The following PCDH15 variants were observed in gnomAD, a reference collection of about 807,000 sequenced individuals.
The protein encoded by PCDH15 is protocadherin-15.
Under a neutral mutation model 178.5 loss-of-function variants are expected in PCDH15, and 129 were observed. That is an observed-to-expected ratio of 0.72 (90% CI 0.63 to 0.84). The LOEUF is 0.84. PCDH15 is among the 40% of genes least tolerant of loss of function. The probability of loss-of-function intolerance (pLI) is 0.00; values close to 1 mark genes in which losing one functional copy is unlikely to be tolerated. For synonymous variants in PCDH15, 800 were observed against 732.0 expected (o/e 1.09, Z -1.50); for missense variants, 2,230 against 2,099.9 (o/e 1.06, Z -1.21).
chr10:54,725,524 G>A (rs1212797298), intron 1 of PCDH15, among the ~76,000 whole-genome samples: 4 of 126,084 alleles, frequency 3.2e-5, no homozygotes, highest in Non-Finnish European at 7.4e-5. Context: ...AATTGTTTAT[G>A]TTTATATAAA....
intron 4 of PCDH15, among the ~76,000 whole-genome samples, chr10:54,373,175 A>G (rs1266092651): frequency 6.6e-6 from 1 of 151,840 alleles, no homozygotes; most frequent in African/African-American, 2.4e-5. Flanking sequence ...AAACCAAATG[A>G]TTTGGAAGTC....
At chr10:54,433,691 A>T (rs1291816665) in intron 3 of PCDH15, among the ~76,000 whole-genome samples, 1 of 152,096 alleles carries the variant, frequency 6.6e-6, no homozygotes, top group Non-Finnish European at 1.5e-5. Context: ...ATAACTAAAA[A>T]AGTGTATTGG....
At chr10:54,245,513 C>T (rs188672462) in intron 8 of PCDH15, among the ~76,000 whole-genome samples, 6 of 152,048 alleles carry the variant, frequency 3.9e-5, no homozygotes, top group South Asian at 4.2e-4. Context: ...CATCTTTGGT[C>T]GATTGCTTAT....
At chr10:54,389,931 A>G (rs1950347422) in intron 3 of PCDH15, among the ~76,000 whole-genome samples, 1 of 152,188 alleles carries the variant, frequency 6.6e-6, no homozygotes, top group Admixed American at 6.6e-5. Flanking sequence ...CGACAGAGTG[A>G]GACTCCGTCT....
chr10:53,936,560 T>C (rs1250264335), intron 25 of PCDH15, among the ~76,000 whole-genome samples: 7 of 152,128 alleles, frequency 4.6e-5, no homozygotes, highest in Admixed American at 4.6e-4. Flanking sequence ...CTCTGTAATT[T>C]TTGTATGTTT....
At chr10:54,384,326 C>T (rs1054074912) in intron 3 of PCDH15, among the ~76,000 whole-genome samples, 2 of 149,204 alleles carry the variant, frequency 1.3e-5, no homozygotes, top group African/African-American at 5.0e-5. Context: ...GATCCCCCCC[C>T]TTTTTTTTTT....
rs766474179 is a variant in PCDH15, at chr10:55,599,967, G to T, written c.-156+27658C>A. On this transcript the variant is annotated intron_variant, in intron 2 of 5. Coordinates refer to the PCDH15 transcript ENST00000613346. ...GAAATTGACCTACCTATGAAGAGGC[G>T]GGTATAAATAAATAGGAGAAGACCC... 77 of 1,500,796 alleles carry T rather than the reference G, an allele frequency of 5.1e-5. 2 individuals carry two copies. Among genetic ancestry groups the T allele is most frequent in the Non-Finnish European group, 6.2e-5 (70 of 1,128,074 alleles). The allele number at this position is 1,500,796 out of a possible 1,614,324, so 93.0% of individuals were successfully genotyped here. A position where few individuals can be genotyped will look rare whatever the true frequency, so the allele number is the denominator to read the frequency against.
chr10:54,477,611 T>C (rs2078368062), intron 3 of PCDH15, among the ~76,000 whole-genome samples: 1 of 152,318 alleles, frequency 6.6e-6, no homozygotes. Flanking sequence ...TATTTTTTCT[T>C]CTTGAGACAG....
At chr10:54,724,800 A>G (rs959558190) in intron 1 of PCDH15, among the ~76,000 whole-genome samples, 17 of 151,148 alleles carry the variant, frequency 1.1e-4, no homozygotes, top group Non-Finnish European at 8.9e-5. Context: ...CATATATATA[A>G]TTTTAGATTC....
chr10:55,277,340 C>T (rs1842619491), intron 1 of PCDH15, among the ~76,000 whole-genome samples: 1 of 151,890 alleles, frequency 6.6e-6, no homozygotes, highest in South Asian at 2.1e-4. Flanking sequence ...AGTATACTCC[C>T]TTAAAAATAA....
intron 22 of PCDH15, among the ~76,000 whole-genome samples, chr10:53,960,963 T>C (rs927819856): frequency 3.3e-5 from 5 of 152,186 alleles, no homozygotes; most frequent in African/African-American, 1.2e-4. Flanking sequence ...TTTTAATACC[T>C]TGCCAGGTAG....
chr10:54,920,495 A>AG (rs1837459962), intron 2 of PCDH15, among the ~76,000 whole-genome samples: 1 of 147,130 alleles, frequency 6.8e-6, no homozygotes, highest in Non-Finnish European at 1.5e-5. Context: ...AAAAAAAAAA[A>AG]TCTCCAGTGT....
In PCDH15 at chr10:54,346,499, G is replaced by C; in HGVS notation, c.475-15C>G. ...ACTGGAGTGAGCTGAAAGGAAAAAA[G>C]ATTTTAAATATCAATTTTCATTTTA... is the stretch of plus-strand genomic sequence containing the variant. On this transcript the variant is annotated splice_polypyrimidine_tract_variant and intron_variant, in intron 5 of 37. Transcript: ENST00000644397. 1 of 1,612,638 alleles carries C rather than the reference G, an allele frequency of 6.2e-7. No individual in the cohort carries two copies. Among genetic ancestry groups the C allele is most frequent in the Non-Finnish European group, 8.5e-7 (1 of 1,179,716 alleles).
intron 2 of PCDH15, chr10:55,575,634 G>A (rs970874256): frequency 1.3e-5 from 2 of 152,146 alleles, no homozygotes; most frequent in Admixed American, 1.3e-4. Context: ...TTTTATAAGT[G>A]GTAATTGCCA....
intron 2 of PCDH15, among the ~76,000 whole-genome samples, chr10:54,637,308 C>A (rs1433859161): frequency 6.6e-6 from 1 of 151,932 alleles, no homozygotes; most frequent in African/African-American, 2.4e-5. Flanking sequence ...TGGTAACAAT[C>A]ACCACAGACT....
chr10:54,045,202 CCT>C (rs74529524), intron 18 of PCDH15, among the ~76,000 whole-genome samples: 24,536 of 151,918 alleles, frequency 0.16, 2,481 homozygotes, highest in Non-Finnish European at 0.23. Context: ...GTGGGAATGG[CCT>C]CTCTCATCAT....
intron 3 of PCDH15, among the ~76,000 whole-genome samples, chr10:54,493,850 T>C (rs2079845645): frequency 6.6e-6 from 1 of 152,142 alleles, no homozygotes; most frequent in East Asian, 1.9e-4. Flanking sequence ...TATCCAACAA[T>C]GATAGACTGG....
intron 2 of PCDH15, among the ~76,000 whole-genome samples, chr10:55,138,438 C>T (rs556293809): frequency 3.9e-5 from 6 of 152,022 alleles, no homozygotes; most frequent in Non-Finnish European, 7.4e-5. Context: ...TGAAGTAATT[C>T]CTGTGGCAAT....
At chr10:54,314,764 A>C (rs34026613) in intron 8 of PCDH15, among the ~76,000 whole-genome samples, 27,486 of 151,788 alleles carry the variant, frequency 0.18, 2,703 homozygotes, top group South Asian at 0.24. Flanking sequence ...TTTACCTCCC[A>C]CTTATATGTG....
Sources: gnomAD v4.1 joint callset for allele counts (sites outside exome capture counted in the v4.1 genomes callset) on GRCh38, gnomAD v4.1.1 for gene constraint, MANE v1.5 for transcripts, NCBI Gene and HGNC (gene_info 2026-07-23, HGNC 2026-07-21) for gene names.